The following AKR1A1 variants were observed in gnomAD, a reference collection of about 807,000 sequenced individuals.
AKR1A1 encodes the protein aldo-keto reductase family 1 member A1, also known as HEL-S-165mP.
A neutral mutation model predicts 39.2 loss-of-function variants in AKR1A1; 26 were observed. The observed-to-expected ratio is 0.66, with a 90% CI of 0.49 to 0.92. The LOEUF (loss-of-function observed/expected upper bound fraction) is 0.92, where lower values mean the gene tolerates loss of function less well. AKR1A1 is among the 40% of genes least tolerant of loss of function. The probability of loss-of-function intolerance (pLI) is 0.00; values close to 1 mark genes in which losing one functional copy is unlikely to be tolerated. For synonymous variants in AKR1A1, 141 were observed against 155.5 expected, an observed-to-expected ratio of 0.91 and a Z score of 0.69; for missense variants, 378 against 406.5, an observed-to-expected ratio of 0.93 and a Z score of 0.60.
intron 1 of AKR1A1, among the ~76,000 whole-genome samples, chr1:45,559,113 C>T (rs886982047): frequency 6.6e-6 from 1 of 152,158 alleles, no homozygotes; most frequent in Non-Finnish European, 1.5e-5. Flanking sequence ...CTTTTCTTGC[C>T]ACCCTTGTGC....
intron 1 of AKR1A1, chr1:45,552,392 A>G (rs558497179): frequency 2.7e-4 from 41 of 152,194 alleles, no homozygotes; most frequent in African/African-American, 9.4e-4. Flanking sequence ...TCAGAAAGAA[A>G]AAAACAAATT....
intron 1 of AKR1A1, among the ~76,000 whole-genome samples, chr1:45,552,843 A>G (rs567177018): frequency 6.6e-6 from 1 of 152,278 alleles, no homozygotes; most frequent in Admixed American, 6.6e-5. Flanking sequence ...AGTGATGGTC[A>G]GCTGGGCACA....
chr1:45,561,956 C>T lies in AKR1A1; in HGVS notation c.84+78C>T. On this transcript the variant is annotated intron_variant, in intron 2 of 8. Transcript: ENST00000351829. The stretch of plus-strand genomic sequence containing the variant: ...CCTAGCAGCCCCACCCCCATACTCC[C>T]CTTCCAGCGGGGATGAGCCAGTGGG... 4 of 1,418,720 alleles carry T rather than the reference C, an allele frequency of 2.8e-6. No individual in the cohort carries two copies. In the East Asian group the frequency reaches 6.9e-5, roughly 24 times the overall value. 87.9% of individuals were successfully genotyped at this position (1,418,720 alleles called of 1,614,324 possible). A position where few individuals can be genotyped will look rare whatever the true frequency, so the allele number is the denominator to read the frequency against.
chr1:45,566,542 G>A (rs1644345911), intron 2 of AKR1A1, 27 bp from the exon 3 acceptor site: 2 of 1,613,226 alleles, frequency 1.2e-6, no homozygotes, highest in South Asian at 2.2e-5. Flanking sequence ...CAACATAGCT[G>A]AAACCTCTGC....
At chr1:45,561,450 C>G (rs891561003) in intron 1 of AKR1A1, among the ~76,000 whole-genome samples, 8 of 152,120 alleles carry the variant, frequency 5.3e-5, no homozygotes, top group African/African-American at 1.9e-4. Flanking sequence ...GTCACCCAGG[C>G]TGGAGTGCAG....
In AKR1A1 at chr1:45,566,794, CT is replaced by C. The variant is rs67893539; in HGVS notation, c.205-74del. On this transcript the variant is annotated intron_variant, in intron 3 of 8. Transcript: ENST00000351829. ...TCTGGCATCAGCTTCCTTCCAGTTC[CT>C]CTCCCAGAGTTGAGGGTGGGTGAGA... 3,550 of 1,594,774 alleles carry C rather than the reference CT, an allele frequency of 2.2e-3. 67 individuals carry two copies. The African/African-American group carries it at 0.038, about 17-fold the overall frequency.
chr1:45,569,627 G>C (rs2148307620), intron 8 of AKR1A1, among the ~76,000 whole-genome samples: 1 of 152,284 alleles, frequency 6.6e-6, no homozygotes, highest in South Asian at 2.1e-4. Flanking sequence ...GCTGTACTTA[G>C]GGAAATAAAT....
At chr1:45,568,359 G>A in intron 5 of AKR1A1, 126 bp from the exon 6 acceptor site, 2 of 1,276,618 alleles carry the variant, frequency 1.6e-6, no homozygotes, top group East Asian at 4.9e-5. Context: ...GGGAAATGGT[G>A]AGAAAAGCAG....
chr1:45,570,019 G>A lies in AKR1A1; in HGVS notation c.*63G>A. 6.7e-7 allele frequency: 1 copy of A among 1,501,740 alleles called. No individual in the cohort carries two copies. The allele number at this position is 1,501,740 out of a possible 1,614,324, so 93.0% of individuals were successfully genotyped here. A position where few individuals can be genotyped will look rare whatever the true frequency, so the allele number is the denominator to read the frequency against. On this transcript the variant is annotated 3_prime_UTR_variant, in exon 9 of 9. Transcript: ENST00000351829. ...TAATGAGGTCCTGCCACAACGGAAA[G>A]AGGGAGTTAATAAAGCCATTGGAGC... is the stretch of plus-strand genomic sequence containing the variant.
intron 1 of AKR1A1, among the ~76,000 whole-genome samples, chr1:45,560,537 G>C (rs1644263973): frequency 6.6e-6 from 1 of 152,112 alleles, no homozygotes; most frequent in African/African-American, 2.4e-5. Flanking sequence ...TTGAGCTTAG[G>C]AGTTCAAGGC....
At chr1:45,551,568 C>T (rs148967651) in intron 1 of AKR1A1, among the ~76,000 whole-genome samples, 110 of 152,286 alleles carry the variant, frequency 7.2e-4, no homozygotes, top group African/African-American at 2.5e-3. Context: ...TACTTAGACA[C>T]CTGCTTTGGG....
At chr1:45,568,804 A>G (rs778891754) in intron 6 of AKR1A1, 120 bp downstream of exon 6, 90 of 1,518,616 alleles carry the variant, frequency 5.9e-5, no homozygotes, top group Non-Finnish European at 7.7e-5. Flanking sequence ...AGGCCACTGT[A>G]GGCATATTTC....
chr1:45,568,739 T>A (rs1644378513), intron 6 of AKR1A1, 55 bp downstream of exon 6: 2 of 1,599,852 alleles, frequency 1.3e-6, no homozygotes, highest in East Asian at 2.2e-5. Context: ...GGTTAAGGGA[T>A]TTCTTATTTC....
chr1:45,554,260 C>T lies in AKR1A1; in HGVS notation c.-7+3105C>T, dbSNP rs142272583. 5.7e-4 allele frequency among the ~76,000 whole-genome samples: 86 copies of T among 152,184 alleles called. No individual in the cohort carries two copies. In the East Asian group the frequency reaches 0.013, roughly 24 times the overall value. On this transcript the variant is annotated intron_variant, in intron 1 of 8. Coordinates refer to ENST00000351829, the MANE Select transcript of AKR1A1 (RefSeq NM_153326.3). ...TGGGCAACAAGGAGAAACCCTGTCT[C>T]TACGAAAAACACAAAAAATGAGCTG...
intron 1 of AKR1A1, among the ~76,000 whole-genome samples, chr1:45,561,522 G>GC (rs1257235627): frequency 4.6e-5 from 7 of 152,100 alleles, no homozygotes; most frequent in African/African-American, 1.4e-4. Flanking sequence ...TTGTGCCTCA[G>GC]CCCCCCGAGC....
chr1:45,558,297 C>T (rs1644233728), intron 1 of AKR1A1, among the ~76,000 whole-genome samples: 1 of 152,022 alleles, frequency 6.6e-6, no homozygotes, highest in Non-Finnish European at 1.5e-5. Flanking sequence ...GGCACTATAT[C>T]AGCTCACTGC....
rs1174147700 is a variant in AKR1A1 at position 45,568,127 on chromosome 1, C to A, written c.502C>A (p.Gln168Lys). The change falls in exon 5 of 9, where the codon CAG (glutamine) becomes AAG (lysine). Residue 168 changes from glutamine to lysine, a missense_variant. By Grantham distance (53) the Gln-to-Lys change is moderately conservative (BLOSUM62 1). Transcript: ENST00000351829. ...GGGCCTGTCCAACTTCAACAGTCGGCAGATTGATGACATACTCAGTGTGGC... is the reference window on the plus strand; with the variant it reads ...GGGCCTGTCCAACTTCAACAGTCGGAAGATTGATGACATACTCAGTGTGGC... Reference protein sequence around the residue: ...ALGLSNFNSRQIDDILSVASV... With the variant: ...ALGLSNFNSRKIDDILSVASV... The A allele has an allele frequency of 1.2e-6, 2 of 1,614,020 alleles. No individual in the cohort carries two copies. The highest frequency in any genetic ancestry group is 1.7e-6 in the Non-Finnish European group (2 of 1,179,992).
In AKR1A1 at chr1:45,567,977, C is replaced by T. The variant is rs1644365970; in HGVS notation, c.357-5C>T. Reference sequence around the variant, plus strand: ...CCACACTTGGTGGGGCTGTCTCTCACTCAGGCGGGGAGACAACCCCTTCCC... The same window carrying T: ...CCACACTTGGTGGGGCTGTCTCTCATTCAGGCGGGGAGACAACCCCTTCCC... On this transcript the variant is annotated splice_region_variant and splice_polypyrimidine_tract_variant and intron_variant, in intron 4 of 8. Coordinates refer to ENST00000351829, the MANE Select transcript of AKR1A1 (RefSeq NM_153326.3). 1 of 1,605,978 alleles carries T rather than the reference C, an allele frequency of 6.2e-7. No individual in the cohort carries two copies. Among genetic ancestry groups the T allele is most frequent in the Non-Finnish European group, 8.5e-7 (1 of 1,174,542 alleles).
intron 6 of AKR1A1, 46 bp downstream of exon 6, chr1:45,568,730 G>A (rs770071874): frequency 6.2e-7 from 1 of 1,605,600 alleles, no homozygotes; most frequent in South Asian, 1.1e-5. Context: ...GGAGGCAAGG[G>A]TTAAGGGATT....
Sources: allele counts gnomAD v4.1 joint callset (sites outside exome capture counted in the v4.1 genomes callset), GRCh38; gene constraint gnomAD v4.1.1; transcripts MANE v1.5; gene names NCBI Gene and HGNC (gene_info 2026-07-23, HGNC 2026-07-21).